The following PIK3CB variants were observed in gnomAD, a reference collection of about 807,000 sequenced individuals.
PIK3CB encodes the protein phosphatidylinositol-4,5-bisphosphate 3-kinase catalytic subunit beta.
PIK3CB carries 39 observed loss-of-function variants against 136.8 expected under a neutral mutation model. The ratio of observed to expected loss-of-function variants is 0.29; its 90% CI spans 0.22 to 0.37. The LOEUF is 0.37. PIK3CB is among the 10% of genes least tolerant of loss of function. The pLI is 1.00. For missense variants in PIK3CB, 868 were observed against 1,275.4 expected, an observed-to-expected ratio of 0.68 and a Z score of 4.87; for synonymous variants, 428 against 436.6, an observed-to-expected ratio of 0.98 and a Z score of 0.25.
intron 5 of PIK3CB, among the ~76,000 whole-genome samples, chr3:138,738,638 A>G (rs2045168158): frequency 6.6e-6 from 1 of 152,222 alleles, no homozygotes. Flanking sequence ...TTAAAAATGA[A>G]GATATAGTTT....
intron 2 of PIK3CB, among the ~76,000 whole-genome samples, chr3:138,792,578 T>A (rs547257653): frequency 6.6e-6 from 1 of 152,218 alleles, no homozygotes; most frequent in South Asian, 2.1e-4. Context: ...TTGCATACAG[T>A]TTAAATATTA....
chr3:138,774,769 G>A (rs1278003426), intron 2 of PIK3CB, among the ~76,000 whole-genome samples: 2 of 152,182 alleles, frequency 1.3e-5, no homozygotes, highest in African/African-American at 4.8e-5. Flanking sequence ...AGTAACATGA[G>A]AAGAATTTTA....
intron 19 of PIK3CB, among the ~76,000 whole-genome samples, chr3:138,666,328 G>A (rs959509620): frequency 6.6e-6 from 1 of 152,012 alleles, no homozygotes; most frequent in Non-Finnish European, 1.5e-5. Flanking sequence ...GTGCCACTAC[G>A]CCTGGCTAGT....
At chr3:138,781,120 T>C (rs2045918113) in intron 2 of PIK3CB, among the ~76,000 whole-genome samples, 1 of 151,822 alleles carries the variant, frequency 6.6e-6, no homozygotes, top group Non-Finnish European at 1.5e-5. Context: ...TGTGACCTCA[T>C]CTCTACAAAA....
At chr3:138,832,695 G>A (rs1934086542) in intron 1 of PIK3CB, among the ~76,000 whole-genome samples, 1 of 152,056 alleles carries the variant, frequency 6.6e-6, no homozygotes, top group East Asian at 1.9e-4. Context: ...CGCGTGTGGT[G>A]GCACATGCCT....
At position 138,653,795 on chromosome 3, in the gene PIK3CB, A is replaced by C; in HGVS notation, c.*1594T>G. 5.1e-6 allele frequency: 1 copy of C among 196,052 alleles called. No homozygotes were observed. Among genetic ancestry groups the C allele is most frequent in the East Asian group, 8.0e-5 (1 of 12,564 alleles). The allele number at this position is 196,052 out of a possible 1,614,324, so 12.1% of individuals were successfully genotyped here. ...CAAGTAACTACCCAGACTTCAGGAC[A>C]CCTCCCATATGCATGGCTCCTTACC... On this transcript the variant is annotated 3_prime_UTR_variant, in exon 24 of 24. Coordinates refer to ENST00000674063, the MANE Select transcript of PIK3CB (RefSeq NM_006219.3).
intron 2 of PIK3CB, chr3:138,778,222 G>C (rs2045883028): frequency 2.2e-6 from 1 of 452,906 alleles, no homozygotes; most frequent in African/African-American, 2.0e-5. Flanking sequence ...GTTTGTAATG[G>C]GCATGAACCA....
intron 1 of PIK3CB, chr3:138,826,477 G>T: frequency 1.0e-5 from 4 of 381,082 alleles, no homozygotes; most frequent in East Asian, 5.2e-5. Flanking sequence ...AAGAAAAGGA[G>T]AATGTGTTAT....
At chr3:138,687,349 A>T (rs1307802396) in intron 16 of PIK3CB, among the ~76,000 whole-genome samples, 1 of 152,214 alleles carries the variant, frequency 6.6e-6, no homozygotes, top group East Asian at 1.9e-4. Flanking sequence ...TTATATGATG[A>T]CAATAAGCAA....
chr3:138,777,738 T>C (rs1335790330), intron 2 of PIK3CB: 1 of 154,472 alleles, frequency 6.5e-6, no homozygotes, highest in Non-Finnish European at 1.4e-5. Context: ...AATTCATTTT[T>C]TTCTTAAAAA....
intron 12 of PIK3CB, among the ~76,000 whole-genome samples, chr3:138,699,407 G>T (rs1577089861): frequency 6.6e-6 from 1 of 152,186 alleles, no homozygotes; most frequent in East Asian, 1.9e-4. Context: ...AACACTTTGG[G>T]AGGCCAATGT....
At chr3:138,820,485 T>C (rs1933514307) in intron 1 of PIK3CB, among the ~76,000 whole-genome samples, 1 of 152,174 alleles carries the variant, frequency 6.6e-6, no homozygotes, top group African/African-American at 2.4e-5. Flanking sequence ...ATAAACACTT[T>C]CTTCATTCTG....
intron 8 of PIK3CB, among the ~76,000 whole-genome samples, chr3:138,733,117 G>A (rs987992614): frequency 2.7e-5 from 4 of 149,048 alleles, no homozygotes; most frequent in Admixed American, 2.0e-4. Context: ...AATATATACT[G>A]GAAAAATAAT....
chr3:138,783,331 G>C (rs1393288703), intron 2 of PIK3CB, among the ~76,000 whole-genome samples: 1 of 150,548 alleles, frequency 6.6e-6, no homozygotes, highest in Non-Finnish European at 1.5e-5. Context: ...ACCCAGGCTG[G>C]AATGCAGTAG....
chr3:138,825,306 G>A (rs890874258), intron 1 of PIK3CB: 18 of 484,642 alleles, frequency 3.7e-5, no homozygotes, highest in Admixed American at 1.7e-4. Context: ...TGCTGGTGTC[G>A]GAGAATTTAA....
At chr3:138,758,512 G>A (rs1347661088) in intron 3 of PIK3CB, among the ~76,000 whole-genome samples, 2 of 152,306 alleles carry the variant, frequency 1.3e-5, no homozygotes, top group East Asian at 1.9e-4. Context: ...AGATGCTTAA[G>A]TCAATTCTGT....
chr3:138,661,722 C>A (rs1165327636), intron 21 of PIK3CB, among the ~76,000 whole-genome samples: 1 of 152,152 alleles, frequency 6.6e-6, no homozygotes, highest in Non-Finnish European at 1.5e-5. Context: ...AAGCCCAAGC[C>A]AGAACTAATC....
intron 21 of PIK3CB, 128 bp from the exon 22 acceptor site, chr3:138,657,963 T>C (rs1273381279): frequency 1.3e-6 from 1 of 766,248 alleles, no homozygotes; most frequent in African/African-American, 1.8e-5. Context: ...TCCCTCTGTT[T>C]ATAGCCCACT....
At position 138,654,748 on chromosome 3, in the gene PIK3CB, T is replaced by C. The variant is rs140690084; in HGVS notation, c.*641A>G. The C allele has an allele frequency of 4.2e-5, 9 of 213,388 alleles. No homozygotes were observed. Among genetic ancestry groups the C allele is most frequent in the East Asian group, 4.2e-4 (6 of 14,330 alleles). 13.2% of individuals were successfully genotyped at this position (213,388 alleles called of 1,614,324 possible). A position where few individuals can be genotyped will look rare whatever the true frequency, so the allele number is the denominator to read the frequency against. The stretch of plus-strand genomic sequence containing the variant: ...CCACTAGAAATTTTATAAATATATA[T>C]GTAGCATATTTATATATATTATATT... On this transcript the variant is annotated 3_prime_UTR_variant, in exon 24 of 24. Transcript: ENST00000674063.
Sources: allele counts gnomAD v4.1 joint callset (sites outside exome capture counted in the v4.1 genomes callset), GRCh38; gene constraint gnomAD v4.1.1; transcripts MANE v1.5; gene names NCBI Gene and HGNC (gene_info 2026-07-23, HGNC 2026-07-21).